The following CNTRL variants were observed in gnomAD, a reference collection of about 807,000 sequenced individuals.
CNTRL encodes 110 kDa centrosomal protein.
Under a neutral mutation model 303.7 loss-of-function variants are expected in CNTRL, and 233 were observed. The observed-to-expected ratio is 0.77, with a 90% CI of 0.69 to 0.86. The LOEUF (loss-of-function observed/expected upper bound fraction) is 0.86. Ranked by LOEUF, CNTRL falls within the 40% of genes least tolerant of loss-of-function variation. The pLI is 0.00. For missense variants in CNTRL, 2,524 were observed against 2,650.6 expected, an observed-to-expected ratio of 0.95 and a Z score of 1.05; for synonymous variants, 900 against 922.2, an observed-to-expected ratio of 0.98 and a Z score of 0.44.
At chr9:121,088,576 C>T (rs984698263) in intron 3 of CNTRL, 33 bp downstream of exon 3, 37 of 1,408,162 alleles carry the variant, frequency 2.6e-5, no homozygotes, top group Non-Finnish European at 3.7e-5. Context: ...TTGGTCTGAC[C>T]ACATACTTCA....
chr9:121,158,198 T>G, intron 30 of CNTRL, 89 bp downstream of exon 30: 1 of 1,446,988 alleles, frequency 6.9e-7, no homozygotes, highest in Non-Finnish European at 9.3e-7. Flanking sequence ...AAAGAATAAA[T>G]GCGGCTATGT....
intron 32 of CNTRL, chr9:121,161,429 T>C: frequency 2.7e-6 from 1 of 366,642 alleles, no homozygotes; most frequent in Non-Finnish European, 4.9e-6. Context: ...TTATATAAAA[T>C]GCTTTTAGTT....
intron 40 of CNTRL, among the ~76,000 whole-genome samples, chr9:121,172,185 C>A (rs4837813): frequency 1.3e-5 from 2 of 151,718 alleles, no homozygotes; most frequent in Non-Finnish European, 2.9e-5. Flanking sequence ...AAAAAATAAC[C>A]AAAAAAAAAT....
intron 12 of CNTRL, chr9:121,121,874 A>G: frequency 1.0e-6 from 1 of 985,422 alleles, no homozygotes; most frequent in Non-Finnish European, 1.2e-6. Flanking sequence ...GAATTTGAAG[A>G]CAGCATTAGA....
intron 20 of CNTRL, among the ~76,000 whole-genome samples, chr9:121,144,602 TAAAAGTAA>T (rs894732432): frequency 1.3e-5 from 2 of 152,172 alleles, no homozygotes; most frequent in African/African-American, 4.8e-5. Context: ...AAGACGGTAG[TAAAAGTAA>T]AAAAGTAAAA....
At chr9:121,077,363 A>C (rs2047965842) in intron 1 of CNTRL, among the ~76,000 whole-genome samples, 2 of 151,396 alleles carry the variant, frequency 1.3e-5, no homozygotes, top group African/African-American at 4.9e-5. Flanking sequence ...CTACATCCTC[A>C]TCTCTCCATT....
In CNTRL at chr9:121,173,329, C is replaced by G; in HGVS notation, c.6504C>G (p.Ile2168Met). The change falls in exon 41 of 44, where the codon ATC becomes ATG. Residue 2168 changes from isoleucine to methionine, a missense_variant. By Grantham distance (10) the Ile-to-Met change is conservative. Coordinates refer to ENST00000373855, the MANE Select transcript of CNTRL (RefSeq NM_007018.6). Reference sequence around the variant, plus strand: ...TTAAATCTGAGGTGAAGGATGAAATCAGAACCAGCTTGAAGAATCTTAATC... The same window carrying G: ...TTAAATCTGAGGTGAAGGATGAAATGAGAACCAGCTTGAAGAATCTTAATC... ...RTLKSEVKDE[I>M]RTSLKNLNQF... 1 of 1,614,114 alleles carries G rather than the reference C, an allele frequency of 6.2e-7. No individual in the cohort carries two copies. Among genetic ancestry groups the G allele is most frequent in the Non-Finnish European group, 8.5e-7 (1 of 1,180,000 alleles).
chr9:121,113,083 A>G (rs1423426622), intron 9 of CNTRL, among the ~76,000 whole-genome samples: 6 of 152,338 alleles, frequency 3.9e-5, no homozygotes, highest in Middle Eastern at 3.4e-3. Flanking sequence ...TAAAAATTCA[A>G]TTATTAAAAT....
At chr9:121,172,785 C>G (rs938538092) in intron 40 of CNTRL, among the ~76,000 whole-genome samples, 5 of 152,180 alleles carry the variant, frequency 3.3e-5, no homozygotes, top group African/African-American at 9.7e-5. Flanking sequence ...CTTATTTACT[C>G]TAGTTGCCAG....
Position 121,125,809 on chromosome 9 carries a change from C to T in CNTRL, c.1898C>T (p.Thr633Ile), listed in dbSNP as rs748692641. 5.0e-6 allele frequency: 8 copies of T among 1,614,172 alleles called. No homozygotes were observed. The highest frequency in any genetic ancestry group is 6.8e-6 in the Non-Finnish European group (8 of 1,180,024). ...EYLGTIKGQA[T>I]QAQNECRKLR... ...CTGGGGACCATTAAAGGCCAGGCAA[C>T]TCAGGCCCAGAATGAGTGCAGGAAG... Residue 633 changes from threonine (T) to isoleucine (I), a missense_variant, in exon 14 of 44, where the codon ACT becomes ATT. By Grantham distance (89) the Thr-to-Ile change is moderately conservative. Transcript: ENST00000373855.
At chr9:121,165,391 G>C (rs1278823934) in intron 35 of CNTRL, among the ~76,000 whole-genome samples, 1 of 151,958 alleles carries the variant, frequency 6.6e-6, no homozygotes, top group East Asian at 1.9e-4. Context: ...AATTGCTGTT[G>C]ACCTCACTCC....
intron 8 of CNTRL, among the ~76,000 whole-genome samples, chr9:121,109,937 A>G (rs2049672640): frequency 6.6e-6 from 1 of 152,134 alleles, no homozygotes; most frequent in Non-Finnish European, 1.5e-5. Flanking sequence ...GTTAGTCCCA[A>G]GGACTATTAG....
rs1215900044 is a variant in CNTRL at position 121,140,754 on chromosome 9, A to C, written c.2451A>C (p.Arg817Ser). Residue 817 changes from arginine (R) to serine (S), a missense_variant, in exon 17 of 44, where the codon AGA becomes AGC. By Grantham distance (110) the Arg-to-Ser change is moderately radical. Transcript: ENST00000373855. The part of the protein sequence containing the change: ...EEVAARVDEL[R>S]RKLKLGTGEM... Reference sequence around the variant, plus strand: ...TGGCAGCTCGTGTGGATGAGCTAAGAAGAAAACTGAAATTAGGAACTGGGG... The same window carrying C: ...TGGCAGCTCGTGTGGATGAGCTAAGCAGAAAACTGAAATTAGGAACTGGGG... 1 of 1,612,894 alleles carries C rather than the reference A, an allele frequency of 6.2e-7. No homozygotes were observed. The highest frequency in any genetic ancestry group is 8.5e-7 in the Non-Finnish European group (1 of 1,179,194).
chr9:121,143,828 C>T (rs1588243644), intron 19 of CNTRL, 75 bp from the exon 20 acceptor site: 4 of 1,195,684 alleles, frequency 3.3e-6, no homozygotes, highest in Non-Finnish European at 4.7e-6. Context: ...AGAGTCCCTA[C>T]CCTCCTGGAG....
intron 12 of CNTRL, among the ~76,000 whole-genome samples, chr9:121,120,013 C>G (rs1042912168): frequency 2.0e-5 from 3 of 152,058 alleles, no homozygotes; most frequent in South Asian, 2.1e-4. Context: ...TTGTCTCTGT[C>G]TCTACTCTAA....
At chr9:121,089,998 G>A (rs10760145) in intron 3 of CNTRL, among the ~76,000 whole-genome samples, 58,011 of 151,690 alleles carry the variant, frequency 0.38, 12,468 homozygotes, top group South Asian at 0.64. Context: ...ATTACAATAC[G>A]TTATAGTATT....
At chr9:121,156,762 C>A (rs2038681) in intron 27 of CNTRL, among the ~76,000 whole-genome samples, 132,198 of 151,974 alleles carry the variant, frequency 0.87, 57,627 homozygotes, top group East Asian at 0.96. Context: ...TTGATTAAAA[C>A]AAATGTGTTT....
chr9:121,162,121 A>C lies in CNTRL; in HGVS notation c.5273A>C (p.Lys1758Thr). Reference sequence around the variant, plus strand: ...CAGAAAGGGGAAATAGAGTGGCAGAAGCAGCTCCTTGAGAGGGATAAACGA... The same window carrying C: ...CAGAAAGGGGAAATAGAGTGGCAGACGCAGCTCCTTGAGAGGGATAAACGA... ...QQQKGEIEWQKQLLERDKREI... is the reference protein window; with the variant it reads ...QQQKGEIEWQTQLLERDKREI... Residue 1758 changes from lysine to threonine, a missense_variant, in exon 34 of 44, where the codon AAG becomes ACG. Physicochemically the swap from Lys to Thr is moderately conservative, Grantham distance 78. Coordinates refer to ENST00000373855, the MANE Select transcript of CNTRL (RefSeq NM_007018.6). The C allele has an allele frequency of 6.2e-7, 1 of 1,614,220 alleles. No individual in the cohort carries two copies. Among genetic ancestry groups the C allele is most frequent in the Non-Finnish European group, 8.5e-7 (1 of 1,180,034 alleles).
chr9:121,134,337 T>G (rs1270254844), intron 14 of CNTRL, among the ~76,000 whole-genome samples: 1 of 151,116 alleles, frequency 6.6e-6, no homozygotes, highest in Non-Finnish European at 1.5e-5. Context: ...GTCACCAGGC[T>G]GGGAATGCAG....
Sources: allele counts gnomAD v4.1 joint callset (sites outside exome capture counted in the v4.1 genomes callset), GRCh38; gene constraint gnomAD v4.1.1; transcripts MANE v1.5; gene names NCBI Gene and HGNC (gene_info 2026-07-23, HGNC 2026-07-21).